The following IMPG1 variants were observed in gnomAD, a reference collection of about 807,000 sequenced individuals.
The protein encoded by IMPG1 is interphotoreceptor matrix proteoglycan of 150 kDa.
IMPG1 carries 85 observed loss-of-function variants against 92.0 expected under a neutral mutation model. The observed-to-expected ratio is 0.92, with a 90% CI of 0.78 to 1.11. The LOEUF is 1.11. IMPG1 is among the 50% of genes least tolerant of loss of function. The pLI, the probability that IMPG1 is intolerant of heterozygous loss-of-function variation, is 0.00. For synonymous variants in IMPG1, 367 were observed against 334.1 expected, an observed-to-expected ratio of 1.10 and a Z score of -1.08; for missense variants, 1,022 against 956.0, an observed-to-expected ratio of 1.07 and a Z score of -0.91.
intron 12 of IMPG1, among the ~76,000 whole-genome samples, chr6:75,986,245 T>C (rs1782716109): frequency 6.6e-6 from 1 of 152,136 alleles, no homozygotes; most frequent in African/African-American, 2.4e-5. Flanking sequence ...TTCACTCTAA[T>C]CCCAGCCCTA....
chr6:76,011,561 TTTTTATTTTA>T (rs896759767), intron 7 of IMPG1, among the ~76,000 whole-genome samples: 42 of 151,498 alleles, frequency 2.8e-4, no homozygotes, highest in African/African-American at 9.8e-4. Flanking sequence ...GAAGGAAACT[TTTTTATTTTA>T]TTTTATTTTA....
intron 13 of IMPG1, among the ~76,000 whole-genome samples, chr6:75,948,535 T>C (rs1781969517): frequency 6.6e-6 from 1 of 152,190 alleles, no homozygotes. Context: ...ACAAGGTTTT[T>C]GTGTGAGTAA....
chr6:75,973,640 T>C (rs1782458118), intron 12 of IMPG1, among the ~76,000 whole-genome samples: 1 of 152,120 alleles, frequency 6.6e-6, no homozygotes, highest in Non-Finnish European at 1.5e-5. Flanking sequence ...AGGTTATAAG[T>C]TGTTGGGCTG....
chr6:75,927,534 G>C (rs989724100), intron 15 of IMPG1, among the ~76,000 whole-genome samples: 10 of 152,122 alleles, frequency 6.6e-5, no homozygotes, highest in African/African-American at 2.4e-4. Context: ...CACTGCTGTG[G>C]TCCCGTTTCT....
intron 1 of IMPG1, among the ~76,000 whole-genome samples, chr6:76,052,757 A>G (rs899099637): frequency 3.3e-5 from 5 of 152,234 alleles, no homozygotes; most frequent in Non-Finnish European, 5.9e-5. Context: ...ATATGAGAGT[A>G]GGATATTTTT....
intron 13 of IMPG1, among the ~76,000 whole-genome samples, chr6:75,948,594 C>T (rs906995267): frequency 1.3e-5 from 2 of 152,108 alleles, no homozygotes; most frequent in African/African-American, 4.8e-5. Flanking sequence ...AGTTACTGTC[C>T]CCTGATGAGG....
In IMPG1 at chr6:75,972,064, G is replaced by A. The variant is rs144971076; in HGVS notation, c.1292-20970C>T. On this transcript the variant is annotated intron_variant, in intron 12 of 16. Transcript: ENST00000369950. ...TTTTAATAAAGTTTTACTTTAACAA[G>A]AGTTAGTCTAGGCTTGAAAAGTTGT... Among the ~76,000 whole-genome samples the A allele has an allele frequency of 3.0e-3, 462 of 152,250 alleles. 1 individual carries two copies. Among genetic ancestry groups the A allele is most frequent in the African/African-American group, 0.01 (425 of 41,522 alleles).
intron 15 of IMPG1, among the ~76,000 whole-genome samples, chr6:75,926,677 TTG>T (rs1369855194): frequency 2.0e-5 from 3 of 152,208 alleles, no homozygotes; most frequent in African/African-American, 7.2e-5. Context: ...TTTGCATTTT[TTG>T]TGTATGTATA....
intron 4 of IMPG1, among the ~76,000 whole-genome samples, chr6:76,027,318 A>G (rs1196840670): frequency 1.3e-5 from 2 of 152,226 alleles, no homozygotes; most frequent in Non-Finnish European, 2.9e-5. Flanking sequence ...GCCTGGGGAC[A>G]TATGAAATTA....
chr6:75,971,137 C>G (rs1364149872), intron 12 of IMPG1, among the ~76,000 whole-genome samples: 1 of 152,006 alleles, frequency 6.6e-6, no homozygotes, highest in East Asian at 1.9e-4. Flanking sequence ...ACTATGCAGC[C>G]ATAAAAAATG....
chr6:75,976,245 T>A (rs1271964698), intron 12 of IMPG1, among the ~76,000 whole-genome samples: 1 of 152,222 alleles, frequency 6.6e-6, no homozygotes. Flanking sequence ...GGAATTCAGT[T>A]GAGGTATTTG....
intron 16 of IMPG1, among the ~76,000 whole-genome samples, chr6:75,923,031 T>C (rs1206391613): frequency 6.6e-6 from 1 of 152,100 alleles, no homozygotes; most frequent in East Asian, 1.9e-4. Flanking sequence ...TCCAAGGTTT[T>C]TTCCCCCAAA....
At chr6:76,058,360 G>A (rs1582135756) in intron 1 of IMPG1, among the ~76,000 whole-genome samples, 1 of 152,162 alleles carries the variant, frequency 6.6e-6, no homozygotes, top group Non-Finnish European at 1.5e-5. Context: ...GTAGAAGGAG[G>A]TGATAATAGT....
rs986332505 is a variant in IMPG1, at chr6:76,040,489, C to G, written c.301+1404G>C. Among the ~76,000 whole-genome samples, 12 of 152,206 alleles carry G rather than the reference C, an allele frequency of 7.9e-5. 2 individuals are homozygous for G. Among genetic ancestry groups the G allele is most frequent in the Non-Finnish European group, 1.5e-5 (1 of 68,034 alleles). Reference sequence around the variant, plus strand: ...AGGCACACTCGAAATTAGTAATTTACTCATGTCACTGTCTTTTCTCTATTT... The same window carrying G: ...AGGCACACTCGAAATTAGTAATTTAGTCATGTCACTGTCTTTTCTCTATTT... On this transcript the variant is annotated intron_variant, in intron 2 of 16. Coordinates refer to ENST00000369950, the MANE Select transcript of IMPG1 (RefSeq NM_001563.4).
Position 75,998,067 on chromosome 6 carries a change from G to T in IMPG1, c.1291+4851C>A, listed in dbSNP as rs528630012. Among the ~76,000 whole-genome samples the T allele has an allele frequency of 5.3e-5, 8 of 152,314 alleles. No homozygotes were observed. In the South Asian group the frequency reaches 1.7e-3, roughly 32 times the overall value. ...GCACAAGAAAAAATAACTGTGTAAA[G>T]GCACAAGAACGTGACAATGAATGAC... On this transcript the variant is annotated intron_variant, in intron 12 of 16. Transcript: ENST00000369950.
chr6:75,934,691 A>C (rs72886012), intron 14 of IMPG1, among the ~76,000 whole-genome samples: 2,314 of 152,036 alleles, frequency 0.015, 24 homozygotes, highest in Admixed American at 0.025. Context: ...TCCCAAGTGC[A>C]CTCATGTTTG....
rs555859343 is a variant in IMPG1 at position 76,028,998 on chromosome 6, A to C, written c.498-3740T>G. ...CATTTTTCTTTTGCAACAAGACACA[A>C]TTGGAAAAATTGGGTATTTTATCAA... On this transcript the variant is annotated intron_variant, in intron 4 of 16. Coordinates refer to ENST00000369950, the MANE Select transcript of IMPG1 (RefSeq NM_001563.4). Among the ~76,000 whole-genome samples the C allele has an allele frequency of 7.9e-5, 12 of 152,364 alleles. No individual in the cohort carries two copies. The South Asian group carries it at 2.1e-3, about 26-fold the overall frequency.
intron 12 of IMPG1, among the ~76,000 whole-genome samples, chr6:75,983,766 AAC>A (rs1198038619): frequency 6.6e-6 from 1 of 152,232 alleles, no homozygotes; most frequent in Non-Finnish European, 1.5e-5. Flanking sequence ...CAGCAAAGGA[AAC>A]AGAGTGAAGA....
At chr6:76,055,469 T>TA (rs1449301090) in intron 1 of IMPG1, among the ~76,000 whole-genome samples, 3 of 151,910 alleles carry the variant, frequency 2.0e-5, no homozygotes, top group African/African-American at 7.2e-5. Flanking sequence ...AGCTAAGTAT[T>TA]AATGACCTAT....
Sources: allele counts gnomAD v4.1 joint callset (sites outside exome capture counted in the v4.1 genomes callset), GRCh38; gene constraint gnomAD v4.1.1; transcripts MANE v1.5; gene names NCBI Gene and HGNC (gene_info 2026-07-23, HGNC 2026-07-21).